The following ADGRB3 variants were observed in gnomAD, a reference collection of about 807,000 sequenced individuals.
ADGRB3 encodes brain-specific angiogenesis inhibitor 3.
ADGRB3 carries 37 observed loss-of-function variants against 193.4 expected under a neutral mutation model. The ratio of observed to expected loss-of-function variants is 0.19; its 90% CI spans 0.15 to 0.25. The LOEUF (loss-of-function observed/expected upper bound fraction) is 0.25, where lower values mean the gene tolerates loss of function less well. Among genes scored for constraint, ADGRB3 ranks in the 10% least tolerant of loss-of-function variants. The pLI is 1.00. For synonymous variants in ADGRB3, 690 were observed against 644.2 expected (o/e 1.07, Z -1.08); for missense variants, 1,637 against 1,852.9 (o/e 0.88, Z 2.14).
intron 3 of ADGRB3, among the ~76,000 whole-genome samples, chr6:68,880,049 C>G (rs1765692694): frequency 6.6e-6 from 1 of 152,094 alleles, no homozygotes; most frequent in African/African-American, 2.4e-5. Flanking sequence ...GTCATGACAC[C>G]TTGATAATAA....
chr6:68,947,854 A>C (rs1767814104), intron 6 of ADGRB3, among the ~76,000 whole-genome samples: 1 of 152,178 alleles, frequency 6.6e-6, no homozygotes, highest in African/African-American at 2.4e-5. Flanking sequence ...AACGCCCTTC[A>C]ACCAAAGTTC....
At chr6:68,848,464 A>T (rs902084972) in intron 3 of ADGRB3, among the ~76,000 whole-genome samples, 2 of 152,086 alleles carry the variant, frequency 1.3e-5, no homozygotes, top group African/African-American at 4.8e-5. Flanking sequence ...TTTAATTAAC[A>T]TACTTTGACT....
At chr6:68,916,571 G>T (rs1766885303) in intron 3 of ADGRB3, among the ~76,000 whole-genome samples, 1 of 152,166 alleles carries the variant, frequency 6.6e-6, no homozygotes, top group African/African-American at 2.4e-5. Context: ...AACACAGGTT[G>T]ATGAGTTCTT....
intron 17 of ADGRB3, among the ~76,000 whole-genome samples, chr6:69,181,366 T>TA (rs1582524479): frequency 6.6e-6 from 1 of 152,194 alleles, no homozygotes; most frequent in Admixed American, 6.5e-5. Flanking sequence ...TCTTATTTTT[T>TA]TAAAAAAATA....
At chr6:68,886,590 C>T (rs916823435) in intron 3 of ADGRB3, among the ~76,000 whole-genome samples, 3 of 151,948 alleles carry the variant, frequency 2.0e-5, no homozygotes, top group Non-Finnish European at 4.4e-5. Context: ...GTCTTGTTTA[C>T]TTTTTAGGCA....
chr6:69,106,164 T>TAAAAAAAAAAAAAAAAAAAAAAA (rs61114782), intron 17 of ADGRB3, among the ~76,000 whole-genome samples: 25 of 91,066 alleles, frequency 2.7e-4, no homozygotes, highest in Non-Finnish European at 3.5e-4. Context: ...GAGACTGCGT[T>TAAAAAAAAAAAAAAAAAAAAAAA]AAAAAAAAAA....
chr6:69,131,790 TG>T (rs1333384731), intron 17 of ADGRB3, among the ~76,000 whole-genome samples: 1 of 101,112 alleles, frequency 9.9e-6, no homozygotes, highest in East Asian at 2.9e-4. Context: ...CCCCACCCCC[TG>T]ACAGGCCCTT....
rs6916481 is a variant in ADGRB3 at position 68,752,689 on chromosome 6, C to T, written c.757+113257C>T. On this transcript the variant is annotated intron_variant, in intron 3 of 31. Transcript: ENST00000370598. ...AAGGTGGGTCCAGTTGATGTACACT[C>T]TTGAGTGTCAAGCTGAGCTGTTGGG... Among the ~76,000 whole-genome samples, 639 of 152,284 alleles carry T rather than the reference C, an allele frequency of 4.2e-3. 6 individuals carry two copies. Among genetic ancestry groups the T allele is most frequent in the African/African-American group, 0.015 (609 of 41,560 alleles).
chr6:69,233,110 T>C, intron 17 of ADGRB3, 180 bp from the exon 18 acceptor site: 2 of 883,070 alleles, frequency 2.3e-6, no homozygotes, highest in Middle Eastern at 3.8e-4. Context: ...TTTCCCACTC[T>C]CGCTTTGCAT....
At chr6:69,241,486 G>C (rs1038895826) in intron 20 of ADGRB3, among the ~76,000 whole-genome samples, 2 of 151,802 alleles carry the variant, frequency 1.3e-5, no homozygotes, top group Non-Finnish European at 2.9e-5. Context: ...TAGTGTCTAC[G>C]ACGTTGTGTA....
intron 17 of ADGRB3, among the ~76,000 whole-genome samples, chr6:69,140,280 G>T (rs1694741442): frequency 6.6e-6 from 1 of 152,164 alleles, no homozygotes; most frequent in Non-Finnish European, 1.5e-5. Context: ...TTTTCAAGAA[G>T]AGCACAGGAA....
intron 3 of ADGRB3, among the ~76,000 whole-genome samples, chr6:68,813,397 A>T (rs1052959383): frequency 6.6e-6 from 1 of 152,156 alleles, no homozygotes; most frequent in African/African-American, 2.4e-5. Flanking sequence ...ACTGGGCTAC[A>T]TTGGGCTTGC....
At chr6:69,050,220 G>T (rs2150302667) in intron 15 of ADGRB3, among the ~76,000 whole-genome samples, 1 of 151,310 alleles carries the variant, frequency 6.6e-6, no homozygotes, top group Middle Eastern at 3.4e-3. Flanking sequence ...AGAGTTCAGT[G>T]CAGATGAAAA....
chr6:68,860,201 TATATAGTTCA>T (rs1765113129), intron 3 of ADGRB3, among the ~76,000 whole-genome samples: 3 of 152,142 alleles, frequency 2.0e-5, no homozygotes, highest in African/African-American at 7.2e-5. Flanking sequence ...CACAGATATA[TATATAGTTCA>T]AAAGGGGAAG....
chr6:69,236,380 A>G (rs1414917787), intron 19 of ADGRB3, among the ~76,000 whole-genome samples: 1 of 151,998 alleles, frequency 6.6e-6, no homozygotes, highest in African/African-American at 2.4e-5. Flanking sequence ...CTGATAAAAT[A>G]TGTCCAGCTC....
intron 3 of ADGRB3, among the ~76,000 whole-genome samples, chr6:68,643,699 C>T (rs1447500969): frequency 2.0e-5 from 3 of 151,474 alleles, no homozygotes; most frequent in South Asian, 2.1e-4. Context: ...TTTGGGAGGC[C>T]GAAGCGGGTG....
chr6:69,042,933 GTGA>G (rs1337948574), intron 13 of ADGRB3, among the ~76,000 whole-genome samples: 2 of 152,162 alleles, frequency 1.3e-5, no homozygotes, highest in Non-Finnish European at 2.9e-5. Context: ...TTTGTTTATG[GTGA>G]TGAGGTGCCA....
At chr6:69,282,234 A>C in intron 20 of ADGRB3, among the ~76,000 whole-genome samples, 1 of 152,150 alleles carries the variant, frequency 6.6e-6, no homozygotes, top group Non-Finnish European at 1.5e-5. Flanking sequence ...CTTACATAGA[A>C]ATCCACCCAC....
chr6:68,836,277 G>A (rs1022570205), intron 3 of ADGRB3, among the ~76,000 whole-genome samples: 3 of 151,990 alleles, frequency 2.0e-5, no homozygotes, highest in Admixed American at 1.3e-4. Flanking sequence ...AGGGGCGCTG[G>A]TGTGGCACTG....
Sources: gnomAD v4.1 joint callset for allele counts (sites outside exome capture counted in the v4.1 genomes callset) on GRCh38, gnomAD v4.1.1 for gene constraint, MANE v1.5 for transcripts, NCBI Gene and HGNC (gene_info 2026-07-23, HGNC 2026-07-21) for gene names.